PLAAT3: variants seen among roughly 807,000 people sequenced by gnomAD.
PLAAT3 encodes the protein Ca-independent phospholipase A1/2.
In PLAAT3, 21 loss-of-function variants were observed where a neutral mutation model predicts 16.7. The ratio of observed to expected loss-of-function variants is 1.26; its 90% CI spans 0.89 to 1.81. The LOEUF is 1.81. Among genes scored for constraint, PLAAT3 ranks in the 40% most tolerant of loss-of-function variants. PLAAT3 has a pLI of 0.00. For missense variants in PLAAT3, 219 were observed against 213.7 expected (o/e 1.02, Z -0.16); for synonymous variants, 76 against 81.7 (o/e 0.93, Z 0.38).
chr11:63,607,251 G>A (rs1329245776), intron 2 of PLAAT3, among the ~76,000 whole-genome samples: 3 of 152,174 alleles, frequency 2.0e-5, no homozygotes, highest in Non-Finnish European at 4.4e-5. Flanking sequence ...ACGAGAGGCG[G>A]GGACACAGCG....
At chr11:63,611,422 C>A (rs115157845) in intron 2 of PLAAT3, among the ~76,000 whole-genome samples, 2,580 of 152,254 alleles carry the variant, frequency 0.017, 73 homozygotes, top group African/African-American at 0.059. Flanking sequence ...GCTGCAGTTA[C>A]CATTGAGATT....
Position 63,614,026 on chromosome 11 carries a change from G to T in PLAAT3, c.-12C>A, listed in dbSNP as rs777242614. 6.2e-6 allele frequency: 10 copies of T among 1,612,594 alleles called. No individual in the cohort carries two copies. In the East Asian group the frequency reaches 1.6e-4, roughly 25 times the overall value. ...ATGGGCGCACGCATCTTCCCTCGCG[G>T]TGTGGACCCTCAAGGCCAGGCTCGA... On this transcript the variant is annotated 5_prime_UTR_variant, in exon 2 of 5. Coordinates refer to ENST00000415826, the MANE Select transcript of PLAAT3 (RefSeq NM_001128203.2).
rs1179512822 is a variant in PLAAT3, at chr11:63,613,280, G to A, written c.15+720C>T. On this transcript the variant is annotated intron_variant, in intron 2 of 4. Transcript: ENST00000415826. ...CAAAAAATTAGCCAGGCGTAGTGGC[G>A]GGCGCCTGTACTCCCAGCTACTCGG... is the stretch of plus-strand genomic sequence containing the variant. Among the ~76,000 whole-genome samples the A allele has an allele frequency of 4.6e-5, 7 of 151,880 alleles. No homozygotes were observed. In the South Asian group the frequency reaches 1.5e-3, roughly 32 times the overall value.
rs146773613 is a variant in PLAAT3, at chr11:63,599,713, G to GA, written c.16-1551dup. ...ATTTATGAATCCCATTGTTTTCCAG[G>GA]AAAAAAAAAAGAGTATTAATTGTTT... On this transcript the variant is annotated intron_variant, in intron 2 of 4. Transcript: ENST00000415826. Among the ~76,000 whole-genome samples the GA allele has an allele frequency of 1.1e-3, 156 of 147,038 alleles. 1 individual carries two copies. In the Middle Eastern group the frequency reaches 0.014, roughly 13 times the overall value.
intron 2 of PLAAT3, among the ~76,000 whole-genome samples, chr11:63,612,301 T>G (rs1009968731): frequency 6.6e-6 from 1 of 152,140 alleles, no homozygotes; most frequent in Non-Finnish European, 1.5e-5. Flanking sequence ...AATGAATCAC[T>G]GCACCCAGCC....
chr11:63,612,034 A>G (rs932444285), intron 2 of PLAAT3, among the ~76,000 whole-genome samples: 6 of 152,220 alleles, frequency 3.9e-5, no homozygotes, highest in African/African-American at 1.4e-4. Flanking sequence ...GCTACTTGGG[A>G]GGCTGAAGCA....
chr11:63,587,260 C>G (rs1010323974), intron 4 of PLAAT3, among the ~76,000 whole-genome samples: 5 of 151,746 alleles, frequency 3.3e-5, no homozygotes, highest in Admixed American at 3.3e-4. Context: ...GAAAATAGAC[C>G]CGTGCAAGGT....
intron 4 of PLAAT3, among the ~76,000 whole-genome samples, chr11:63,579,267 T>C (rs1269781096): frequency 2.0e-5 from 3 of 152,238 alleles, no homozygotes; most frequent in Non-Finnish European, 4.4e-5. Flanking sequence ...ACTTTTACAC[T>C]GTTGGTGGGA....
intron 4 of PLAAT3, 120 bp downstream of exon 4, chr11:63,589,980 A>T: frequency 1.1e-6 from 1 of 941,824 alleles, no homozygotes; most frequent in Non-Finnish European, 1.6e-6. Context: ...GACATCCTCA[A>T]GGGCAGTAAT....
intron 4 of PLAAT3, among the ~76,000 whole-genome samples, chr11:63,584,106 AAAAG>A (rs1937897297): frequency 6.6e-6 from 1 of 152,350 alleles, no homozygotes; most frequent in South Asian, 2.1e-4. Flanking sequence ...AAATCATTTA[AAAAG>A]AAATAAAATA....
intron 4 of PLAAT3, among the ~76,000 whole-genome samples, chr11:63,579,101 A>G (rs1334214333): frequency 7.9e-5 from 12 of 152,248 alleles, no homozygotes; most frequent in Admixed American, 7.9e-4. Context: ...ACATTTATGC[A>G]GCCAAAAGAC....
chr11:63,580,140 A>G (rs1335820582), intron 4 of PLAAT3, among the ~76,000 whole-genome samples: 1 of 152,196 alleles, frequency 6.6e-6, no homozygotes, highest in Non-Finnish European at 1.5e-5. Context: ...GCCTTCTACT[A>G]CTAGAGAGAC....
At chr11:63,580,059 C>T (rs1937761801) in intron 4 of PLAAT3, among the ~76,000 whole-genome samples, 1 of 152,004 alleles carries the variant, frequency 6.6e-6, no homozygotes, top group African/African-American at 2.4e-5. Flanking sequence ...TTACAGAAAG[C>T]TGCTGAAAAT....
upstream of PLAAT3, among the ~76,000 whole-genome samples, chr11:63,615,226 ATG>A (rs60258582): frequency 2.2e-5 from 1 of 45,146 alleles, no homozygotes; most frequent in Non-Finnish European, 6.0e-5. Context: ...ATGTGTATAT[ATG>A]TGTATATATG....
At chr11:63,615,678 T>G (rs1364979891), upstream of PLAAT3, among the ~76,000 whole-genome samples, 4 of 149,498 alleles carry the variant, frequency 2.7e-5, no homozygotes, top group South Asian at 4.2e-4. Context: ...GGTTTTTTGT[T>G]TTTTTTTTTT....
chr11:63,576,105 C>T (rs1196443646), intron 4 of PLAAT3, among the ~76,000 whole-genome samples: 1 of 152,212 alleles, frequency 6.6e-6, no homozygotes, highest in Non-Finnish European at 1.5e-5. Context: ...ACGCTCCACA[C>T]AAGAGTCCAG....
chr11:63,581,123 A>G (rs1937802648), intron 4 of PLAAT3, among the ~76,000 whole-genome samples: 1 of 152,218 alleles, frequency 6.6e-6, no homozygotes, highest in South Asian at 2.1e-4. Flanking sequence ...CAGGACCACT[A>G]TTGTACAAAC....
chr11:63,597,090 C>T (rs1938305776), intron 3 of PLAAT3, among the ~76,000 whole-genome samples: 1 of 149,870 alleles, frequency 6.7e-6, no homozygotes, highest in Non-Finnish European at 1.5e-5. Flanking sequence ...AAGCGAAACT[C>T]CATCTAAAAA....
rs930542484 is a variant in PLAAT3 at position 63,592,931 on chromosome 11, C to T, written c.119-2563G>A. On this transcript the variant is annotated intron_variant, in intron 3 of 4. Coordinates refer to ENST00000415826, the MANE Select transcript of PLAAT3 (RefSeq NM_001128203.2). ...TCTATCCCACATGACTCCTGTGAAACTCAAGTGAGATGCAGGTAGAAGCAT... is the reference window on the plus strand; with the variant it reads ...TCTATCCCACATGACTCCTGTGAAATTCAAGTGAGATGCAGGTAGAAGCAT... Among the ~76,000 whole-genome samples the T allele has an allele frequency of 2.0e-5, 3 of 152,208 alleles. No individual in the cohort carries two copies. The South Asian group carries it at 6.2e-4, about 32-fold the overall frequency.
Sources: gnomAD v4.1 joint callset for allele counts (sites outside exome capture counted in the v4.1 genomes callset) on GRCh38, gnomAD v4.1.1 for gene constraint, MANE v1.5 for transcripts, NCBI Gene and HGNC (gene_info 2026-07-23, HGNC 2026-07-21) for gene names.